The following KCNIP1 variants were observed in gnomAD, a reference collection of about 807,000 sequenced individuals.
KCNIP1 encodes the protein A-type potassium channel modulatory protein KCNIP1.
A neutral mutation model predicts 33.0 loss-of-function variants in KCNIP1; 18 were observed. The ratio of observed to expected loss-of-function variants is 0.55; its 90% CI spans 0.38 to 0.81. KCNIP1 has a LOEUF of 0.81. KCNIP1 is among the 30% of genes least tolerant of loss of function. KCNIP1 has a pLI of 0.00. For missense variants in KCNIP1, 238 were observed against 271.6 expected (o/e 0.88, Z 0.87); for synonymous variants, 93 against 98.3 (o/e 0.95, Z 0.32).
At chr5:170,656,021 C>T (rs979635360) in intron 1 of KCNIP1, among the ~76,000 whole-genome samples, 6 of 152,194 alleles carry the variant, frequency 3.9e-5, no homozygotes, top group African/African-American at 1.4e-4. Context: ...TGGGTACTGA[C>T]CTTCCTCGTA....
rs569063149 is a variant in KCNIP1 at position 170,523,099 on chromosome 5, G to A, written c.61+18466G>A. Among the ~76,000 whole-genome samples, 10 of 152,348 alleles carry A rather than the reference G, an allele frequency of 6.6e-5. No individual in the cohort carries two copies. In the East Asian group the frequency reaches 1.7e-3, roughly 26 times the overall value. The stretch of plus-strand genomic sequence containing the variant: ...AATAGGGCTGTGGGAGATGGTGGAA[G>A]CATGCTGGTGGGAACAGGTCGAGAT... On this transcript the variant is annotated intron_variant, in intron 1 of 7. Coordinates refer to ENST00000328939, the MANE Select transcript of KCNIP1 (RefSeq NM_014592.4).
intron 1 of KCNIP1, among the ~76,000 whole-genome samples, chr5:170,584,681 A>C (rs73801074): frequency 3.3e-5 from 5 of 151,938 alleles, no homozygotes; most frequent in African/African-American, 1.2e-4. Flanking sequence ...TGGAGGGACA[A>C]CTCCGGGGAC....
At chr5:170,708,988 G>T (rs554741925) in intron 1 of KCNIP1, among the ~76,000 whole-genome samples, 1 of 152,290 alleles carries the variant, frequency 6.6e-6, no homozygotes, top group South Asian at 2.1e-4. Context: ...TTGATATGTT[G>T]CTTAATTCAA....
intron 1 of KCNIP1, among the ~76,000 whole-genome samples, chr5:170,707,111 T>A (rs1763280969): frequency 6.7e-6 from 1 of 149,942 alleles, no homozygotes; most frequent in South Asian, 2.1e-4. Context: ...TTTGACTAAT[T>A]GCCTCCTAGA....
intron 1 of KCNIP1, among the ~76,000 whole-genome samples, chr5:170,717,711 T>C (rs1245091715): frequency 6.6e-6 from 1 of 152,226 alleles, no homozygotes; most frequent in Non-Finnish European, 1.5e-5. Context: ...GCTCACCTGA[T>C]GTGGCAACTC....
intron 3 of KCNIP1, 137 bp from the exon 4 acceptor site, chr5:170,721,696 C>A: frequency 6.3e-7 from 1 of 1,591,088 alleles, no homozygotes. Context: ...TCAATGGGCC[C>A]CACTCCATAA....
chr5:170,683,750 A>G (rs1387712060), intron 1 of KCNIP1, among the ~76,000 whole-genome samples: 1 of 151,320 alleles, frequency 6.6e-6, no homozygotes, highest in African/African-American at 2.4e-5. Context: ...TCGAGACTAA[A>G]TCTCACTCTA....
At chr5:170,503,765 T>C (rs111657311), upstream of KCNIP1, among the ~76,000 whole-genome samples, 2,040 of 56,816 alleles carry the variant, frequency 0.036, 17 homozygotes, top group African/African-American at 0.088. Context: ...CACACACACA[T>C]ACACACACAC....
chr5:170,643,530 C>T (rs1259012693), intron 1 of KCNIP1, among the ~76,000 whole-genome samples: 4 of 152,210 alleles, frequency 2.6e-5, no homozygotes, highest in African/African-American at 9.7e-5. Flanking sequence ...CACTCACCCC[C>T]CAAGCTAAGG....
At chr5:170,632,034 C>T (rs1051699203) in intron 1 of KCNIP1, among the ~76,000 whole-genome samples, 1 of 152,186 alleles carries the variant, frequency 6.6e-6, no homozygotes, top group Admixed American at 6.5e-5. Context: ...AAGGGGCCCA[C>T]GCTTGAGGCC....
At chr5:170,374,152 G>A (rs1236781955) in intron 1 of KCNIP1, among the ~76,000 whole-genome samples, 2 of 152,228 alleles carry the variant, frequency 1.3e-5, no homozygotes, top group East Asian at 1.9e-4. Flanking sequence ...AATTTTGGAT[G>A]AGTTGTTGAT....
chr5:170,626,636 C>T (rs560034111), intron 1 of KCNIP1, among the ~76,000 whole-genome samples: 4 of 152,302 alleles, frequency 2.6e-5, no homozygotes, highest in African/African-American at 9.6e-5. Context: ...CTGCTGACTC[C>T]GGGGCCCCAG....
intron 1 of KCNIP1, among the ~76,000 whole-genome samples, chr5:170,621,775 C>G (rs1759611838): frequency 6.6e-6 from 1 of 152,220 alleles, no homozygotes. Flanking sequence ...TCCCAAAGTG[C>G]TGGGATTACA....
intron 1 of KCNIP1, among the ~76,000 whole-genome samples, chr5:170,396,759 A>G (rs1047882101): frequency 1.1e-4 from 16 of 152,348 alleles, no homozygotes; most frequent in African/African-American, 3.8e-4. Context: ...TGAAGCCTCC[A>G]GGTAGCAGGC....
At chr5:170,503,724 T>TCACA (rs70979180), upstream of KCNIP1, among the ~76,000 whole-genome samples, 8,313 of 136,366 alleles carry the variant, frequency 0.061, 303 homozygotes, top group Middle Eastern at 0.098. Flanking sequence ...CGCACGCACA[T>TCACA]CACACACACA....
intron 1 of KCNIP1, among the ~76,000 whole-genome samples, chr5:170,478,873 A>T (rs1040683411): frequency 2.6e-5 from 4 of 152,108 alleles, no homozygotes; most frequent in African/African-American, 9.7e-5. Flanking sequence ...TCTAAGTTTC[A>T]TGCATGACTC....
At chr5:170,625,309 C>G (rs1409679018) in intron 1 of KCNIP1, among the ~76,000 whole-genome samples, 1 of 152,162 alleles carries the variant, frequency 6.6e-6, no homozygotes, top group Non-Finnish European at 1.5e-5. Context: ...ATTTTCCAGT[C>G]TCTGTGTTCC....
At chr5:170,449,518 C>T (rs1187177806) in intron 1 of KCNIP1, among the ~76,000 whole-genome samples, 2 of 152,352 alleles carry the variant, frequency 1.3e-5, no homozygotes, top group African/African-American at 4.8e-5. Context: ...GGTTGAACTC[C>T]TGCCCCACTT....
chr5:170,651,704 T>A (rs555386360), intron 1 of KCNIP1, among the ~76,000 whole-genome samples: 1 of 152,338 alleles, frequency 6.6e-6, no homozygotes, highest in Non-Finnish European at 1.5e-5. Flanking sequence ...TCGGACAGAT[T>A]TATAAAGAAC....
Sources: allele counts gnomAD v4.1 joint callset (sites outside exome capture counted in the v4.1 genomes callset), GRCh38; gene constraint gnomAD v4.1.1; transcripts MANE v1.5; gene names NCBI Gene and HGNC (gene_info 2026-07-23, HGNC 2026-07-21).